Variants in ENOX1 observed in about 807,000 individuals in gnomAD.
ENOX1 encodes candidate growth-related and time keeping constitutive hydroquinone (NADH) oxidase.
ENOX1 carries 42 observed loss-of-function variants against 82.5 expected under a neutral mutation model. That is an observed-to-expected ratio of 0.51 (90% CI 0.40 to 0.66). The LOEUF is 0.66. ENOX1 is among the 30% of genes least tolerant of loss of function. The pLI, the probability that ENOX1 is intolerant of heterozygous loss-of-function variation, is 0.00. For synonymous variants in ENOX1, 271 were observed against 282.2 expected, an observed-to-expected ratio of 0.96 and a Z score of 0.40; for missense variants, 608 against 811.6, an observed-to-expected ratio of 0.75 and a Z score of 3.05.
intron 2 of ENOX1, among the ~76,000 whole-genome samples, chr13:43,494,310 T>C (rs2076720784): frequency 6.6e-6 from 1 of 152,142 alleles, no homozygotes; most frequent in Admixed American, 6.6e-5. Flanking sequence ...CAATGAATTA[T>C]AATTTTTGGA....
intron 1 of ENOX1, among the ~76,000 whole-genome samples, chr13:43,736,960 A>G (rs2089662515): frequency 6.6e-6 from 1 of 152,166 alleles, no homozygotes; most frequent in Non-Finnish European, 1.5e-5. Flanking sequence ...ACTTGGATGA[A>G]CCAACTGAAC....
At chr13:43,642,669 A>C (rs2083706754) in intron 2 of ENOX1, among the ~76,000 whole-genome samples, 1 of 152,182 alleles carries the variant, frequency 6.6e-6, no homozygotes, top group South Asian at 2.1e-4. Context: ...TATAGACTTC[A>C]TTTCCCTCAA....
At chr13:43,587,051 C>T (rs12868617) in intron 2 of ENOX1, among the ~76,000 whole-genome samples, 51,183 of 147,646 alleles carry the variant, frequency 0.35, 10,688 homozygotes, top group Non-Finnish European at 0.48. Flanking sequence ...TCCAGTCTGG[C>T]GACAGAGCGA....
intron 3 of ENOX1, among the ~76,000 whole-genome samples, chr13:43,418,128 G>A (rs992847652): frequency 2.0e-5 from 3 of 152,164 alleles, no homozygotes; most frequent in Non-Finnish European, 2.9e-5. Context: ...AGAATTGCTT[G>A]AACCCGGGAG....
intron 2 of ENOX1, among the ~76,000 whole-genome samples, chr13:43,517,539 A>G (rs1283959941): frequency 6.6e-6 from 1 of 152,118 alleles, no homozygotes; most frequent in Admixed American, 6.6e-5. Flanking sequence ...TACAAGTTTC[A>G]TGTGAAATAT....
At chr13:43,644,308 A>G (rs1260478795) in intron 2 of ENOX1, among the ~76,000 whole-genome samples, 2 of 152,208 alleles carry the variant, frequency 1.3e-5, no homozygotes, top group Non-Finnish European at 2.9e-5. Context: ...AAAGTATTTT[A>G]TTCTGGGAAT....
chr13:43,314,084 G>A (rs1440941837), intron 11 of ENOX1, among the ~76,000 whole-genome samples: 1 of 152,192 alleles, frequency 6.6e-6, no homozygotes, highest in East Asian at 1.9e-4. Context: ...TTCTCTGCTA[G>A]TGATGGGAGT....
chr13:43,610,019 A>C, intron 2 of ENOX1: 1 of 359,576 alleles, frequency 2.8e-6, no homozygotes, highest in Non-Finnish European at 3.9e-6. Flanking sequence ...GAAATTTTGC[A>C]CCTTCTCATA....
chr13:43,284,967 A>G (rs553092204), intron 12 of ENOX1, among the ~76,000 whole-genome samples: 1 of 152,154 alleles, frequency 6.6e-6, no homozygotes, highest in African/African-American at 2.4e-5. Flanking sequence ...GAGAAGAAAC[A>G]GAAAGTACAA....
At chr13:43,606,188 G>C (rs1363081827) in intron 2 of ENOX1, among the ~76,000 whole-genome samples, 3 of 152,094 alleles carry the variant, frequency 2.0e-5, no homozygotes, top group African/African-American at 4.8e-5. Flanking sequence ...GAAAAAAAGG[G>C]AACACTTGCA....
chr13:43,685,135 G>A (rs991481350), intron 1 of ENOX1, among the ~76,000 whole-genome samples: 3 of 152,160 alleles, frequency 2.0e-5, no homozygotes, highest in African/African-American at 7.2e-5. Flanking sequence ...GTGCCAAAGA[G>A]TCTGCCGCAG....
At chr13:43,715,866 G>A (rs969114588) in intron 1 of ENOX1, among the ~76,000 whole-genome samples, 11 of 152,210 alleles carry the variant, frequency 7.2e-5, no homozygotes, top group South Asian at 2.1e-4. Flanking sequence ...GTAACCATTC[G>A]CATTCTTCAC....
At chr13:43,419,376 C>A (rs2054838528) in intron 3 of ENOX1, among the ~76,000 whole-genome samples, 2 of 152,004 alleles carry the variant, frequency 1.3e-5, no homozygotes, top group Admixed American at 6.6e-5. Flanking sequence ...GCGATTTCAT[C>A]TCTACAATAA....
At chr13:43,630,854 T>TAC (rs1345091383) in intron 2 of ENOX1, among the ~76,000 whole-genome samples, 1 of 17,284 alleles carries the variant, frequency 5.8e-5, no homozygotes, top group African/African-American at 8.4e-5. Context: ...CACATATATA[T>TAC]ATATATACAC....
chr13:43,278,330 C>T (rs1473241660), intron 12 of ENOX1, among the ~76,000 whole-genome samples: 1 of 152,124 alleles, frequency 6.6e-6, no homozygotes, highest in Non-Finnish European at 1.5e-5. Context: ...CTGATTTGAG[C>T]TTGCTTTGGA....
intron 11 of ENOX1, among the ~76,000 whole-genome samples, chr13:43,301,899 T>G (rs1481964347): frequency 6.6e-6 from 1 of 152,164 alleles, no homozygotes; most frequent in Non-Finnish European, 1.5e-5. Flanking sequence ...AAAAAAATCC[T>G]AATAATTTCT....
intron 1 of ENOX1, among the ~76,000 whole-genome samples, chr13:43,703,682 C>T (rs149511774): frequency 1.6e-3 from 249 of 152,082 alleles, no homozygotes; most frequent in Non-Finnish European, 2.7e-3. Flanking sequence ...AGAGAATTTA[C>T]CTTAATTTCC....
intron 2 of ENOX1, among the ~76,000 whole-genome samples, chr13:43,660,897 G>GA (rs1330221208): frequency 2.6e-5 from 4 of 151,668 alleles, no homozygotes; most frequent in Admixed American, 2.0e-4. Context: ...TGGCATAAGG[G>GA]AAAAAAAAGC....
At chr13:43,300,906 A>G (rs2046536480) in intron 11 of ENOX1, among the ~76,000 whole-genome samples, 1 of 149,614 alleles carries the variant, frequency 6.7e-6, no homozygotes, top group Non-Finnish European at 1.5e-5. Context: ...TATCCAGCAC[A>G]TAACCCGCAG....
Sources: allele counts gnomAD v4.1 joint callset (sites outside exome capture counted in the v4.1 genomes callset), GRCh38; gene constraint gnomAD v4.1.1; transcripts MANE v1.5; gene names NCBI Gene and HGNC (gene_info 2026-07-23, HGNC 2026-07-21).